The following TMEM44 variants were observed in gnomAD, a reference collection of about 807,000 sequenced individuals.
TMEM44 encodes transmembrane protein 44.
In TMEM44, 43 loss-of-function variants were observed where a neutral mutation model predicts 47.8. The ratio of observed to expected loss-of-function variants is 0.90; its 90% CI spans 0.70 to 1.16. The LOEUF (loss-of-function observed/expected upper bound fraction) is 1.16, where lower values mean the gene tolerates loss of function less well. Among genes scored for constraint, TMEM44 ranks in the 50% most tolerant of loss-of-function variants. TMEM44 has a pLI of 0.00. For synonymous variants in TMEM44, 277 were observed against 238.8 expected (o/e 1.16, Z -1.48); for missense variants, 568 against 555.2 (o/e 1.02, Z -0.23).
chr3:194,611,008 C>A lies in TMEM44; in HGVS notation c.925G>T (p.Val309Leu), dbSNP rs769848249. 1 of 1,613,902 alleles carries A rather than the reference C, an allele frequency of 6.2e-7. No homozygotes were observed. The highest frequency in any genetic ancestry group is 1.7e-5 in the Admixed American group (1 of 59,988). ...EEENQENLDW[V>L]PLTTLSHCKS... Reference sequence around the variant, plus strand: ...CAGTGTGACAGTGTGGTGAGAGGCACCCAATCCAAATTCTTGCAAGTAGAG... The same window carrying A: ...CAGTGTGACAGTGTGGTGAGAGGCAACCAATCCAAATTCTTGCAAGTAGAG... The change falls in exon 8 of 10, where the codon GTG (valine) becomes TTG (leucine). Residue 309 changes from valine (V) to leucine (L), a missense_variant. By Grantham distance (32) the Val-to-Leu change is conservative. Coordinates refer to ENST00000347147, the MANE Select transcript of TMEM44 (RefSeq NM_001011655.3). The surrounding 1 kb of genome is among the most constrained non-coding windows in gnomAD (Gnocchi z 4.2).
chr3:194,594,039 T>C (rs1301415329), intron 9 of TMEM44, among the ~76,000 whole-genome samples: 1 of 152,150 alleles, frequency 6.6e-6, no homozygotes, highest in Non-Finnish European at 1.5e-5. Context: ...CTTGAACTCC[T>C]GAGCTCAAGC....
chr3:194,631,915 T>C lies in TMEM44; in HGVS notation c.137+1164A>G, dbSNP rs556007207. Reference sequence around the variant, plus strand: ...AGGCTCACTCTTAACCCCTCCAAGGTTGGCAAAGTGCCTAACAGTGCTGGT... The same window carrying C: ...AGGCTCACTCTTAACCCCTCCAAGGCTGGCAAAGTGCCTAACAGTGCTGGT... On this transcript the variant is annotated intron_variant, in intron 1 of 9. Coordinates refer to ENST00000347147, the MANE Select transcript of TMEM44 (RefSeq NM_001011655.3). Among the ~76,000 whole-genome samples, 6 of 152,312 alleles carry C rather than the reference T, an allele frequency of 3.9e-5. No individual in the cohort carries two copies. The South Asian group carries it at 1.2e-3, about 32-fold the overall frequency.
intron 9 of TMEM44, among the ~76,000 whole-genome samples, chr3:194,591,472 C>T (rs1031231556): frequency 4.6e-5 from 7 of 151,966 alleles, no homozygotes; most frequent in African/African-American, 1.4e-4. Flanking sequence ...CCAGCGTGGG[C>T]GACAAGAGTG....
chr3:194,614,237 G>C (rs1715645555), intron 7 of TMEM44, among the ~76,000 whole-genome samples: 1 of 152,182 alleles, frequency 6.6e-6, no homozygotes, highest in South Asian at 2.1e-4. Context: ...GGCTTGAGAG[G>C]ACTTTCTAGA....
At chr3:194,594,850 C>T (rs932057546) in intron 9 of TMEM44, among the ~76,000 whole-genome samples, 5 of 152,176 alleles carry the variant, frequency 3.3e-5, no homozygotes, top group Non-Finnish European at 5.9e-5. Context: ...CTTAAATCTT[C>T]AGCGTTATGG....
At chr3:194,618,189 A>G (rs1430256806) in intron 5 of TMEM44, among the ~76,000 whole-genome samples, 2 of 152,248 alleles carry the variant, frequency 1.3e-5, no homozygotes, top group African/African-American at 4.8e-5. Context: ...GACCCAGGTC[A>G]CATGGGGAAG....
rs1184056134 is a variant in TMEM44, at chr3:194,623,237, G to C, written c.599C>G (p.Pro200Arg). 2.5e-6 allele frequency: 4 copies of C among 1,609,016 alleles called. No individual in the cohort carries two copies. Among genetic ancestry groups the C allele is most frequent in the East Asian group, 2.2e-5 (1 of 44,692 alleles). Residue 200 changes from proline (P) to arginine (R), a missense_variant, in exon 5 of 10, where the codon CCT becomes CGT. By Grantham distance (103) the Pro-to-Arg change is moderately radical. Coordinates refer to ENST00000347147, the MANE Select transcript of TMEM44 (RefSeq NM_001011655.3). Reference protein sequence around the residue: ...AFGSWASRIPPLSRICRGKTF... With the variant: ...AFGSWASRIPRLSRICRGKTF... ...CCCCGGCCTCACAATTCTGGAGAGA[G>C]GGGGGATCCGAGAAGCCCAGGAGCC...
At position 194,630,709 on chromosome 3, in the gene TMEM44, G is replaced by A. The variant is rs6789021; in HGVS notation, c.138-2200C>T. On this transcript the variant is annotated intron_variant, in intron 1 of 9. Coordinates refer to ENST00000347147, the MANE Select transcript of TMEM44 (RefSeq NM_001011655.3). ...GCGTCACTGATAGGGCCCCTGAAAT[G>A]ATACGCTGTCGTACCTGCCTCCCGA... Among the ~76,000 whole-genome samples, 662 of 94,472 alleles carry A rather than the reference G, an allele frequency of 7.0e-3. 2 individuals are homozygous for A. The highest frequency in any genetic ancestry group is 0.03 in the African/African-American group (594 of 20,098). 62.0% of individuals were successfully genotyped at this position (94,472 alleles called of 152,430 possible). A position where few individuals can be genotyped will look rare whatever the true frequency, so the allele number is the denominator to read the frequency against.
At chr3:194,599,586 CT>C (rs35672774) in intron 9 of TMEM44, among the ~76,000 whole-genome samples, 2,608 of 128,946 alleles carry the variant, frequency 0.02, 73 homozygotes, top group African/African-American at 0.075. Flanking sequence ...TTTTTCTTTT[CT>C]TTTTTTTTTT....
rs990818348 is a variant in TMEM44 at position 194,604,340 on chromosome 3, G to T, written c.1123C>A (p.Arg375=). The part of the protein sequence containing the change: ...SYPPVQVIRA[R]VSSGSSSEVS... ...TCAGAGGAGCTGCCGGAAGACACCC[G>T]GGCCCGGATGACCTGAACGGGAGGG... Residue 375 remains arginine (R), a synonymous_variant, in exon 9 of 10, where the codon CGG becomes AGG. Coordinates refer to ENST00000347147, the MANE Select transcript of TMEM44 (RefSeq NM_001011655.3). 2.5e-5 allele frequency: 40 copies of T among 1,575,822 alleles called. No homozygotes were observed. Among genetic ancestry groups the T allele is most frequent in the Non-Finnish European group, 3.4e-5 (39 of 1,161,208 alleles).
intron 8 of TMEM44, 71 bp from the exon 9 acceptor site, chr3:194,604,516 T>G: frequency 6.9e-7 from 1 of 1,446,438 alleles, no homozygotes; most frequent in South Asian, 1.4e-5. Context: ...GTCAAAGCAT[T>G]CACATACTTC....
At chr3:194,616,370 G>A (rs1715888972) in intron 6 of TMEM44, 1 of 324,354 alleles carries the variant, frequency 3.1e-6, no homozygotes, top group Non-Finnish European at 6.1e-6. Context: ...GACCTTATTC[G>A]GAAGTAGGGT....
In TMEM44 at chr3:194,587,890, G is replaced by A. The variant is rs7612496; in HGVS notation, c.*639C>T. The A allele has an allele frequency of 0.098, 14,975 of 152,626 alleles. 822 individuals carry two copies. Among genetic ancestry groups the A allele is most frequent in the East Asian group, 0.18 (912 of 5,182 alleles). 9.5% of individuals were successfully genotyped at this position (152,626 alleles called of 1,614,324 possible). On this transcript the variant is annotated 3_prime_UTR_variant, in exon 10 of 10. Transcript: ENST00000347147. Reference sequence around the variant, plus strand: ...CCTCACCTGCAAGCCCCGCCTCAGCGCACACCCTTGCCAGGTTGGAGGAAG... The same window carrying A: ...CCTCACCTGCAAGCCCCGCCTCAGCACACACCCTTGCCAGGTTGGAGGAAG...
chr3:194,618,977 C>T (rs542913659), intron 5 of TMEM44, among the ~76,000 whole-genome samples: 4 of 152,368 alleles, frequency 2.6e-5, no homozygotes, highest in South Asian at 4.1e-4. Flanking sequence ...GTGGAGACGA[C>T]GCCCTTTCCC....
intron 1 of TMEM44, among the ~76,000 whole-genome samples, chr3:194,630,821 G>C (rs548088439): frequency 4.8e-5 from 6 of 124,072 alleles, no homozygotes; most frequent in Admixed American, 8.6e-5. Flanking sequence ...GGCTGTTTCC[G>C]TCGGCATCAC....
intron 5 of TMEM44, among the ~76,000 whole-genome samples, chr3:194,619,941 G>A (rs185113935): frequency 2.7e-4 from 41 of 152,222 alleles, no homozygotes; most frequent in Admixed American, 2.2e-3. Flanking sequence ...TAATGCTGGC[G>A]GCTCTCCAGA....
intron 9 of TMEM44, among the ~76,000 whole-genome samples, chr3:194,591,438 G>T (rs1254387598): frequency 1.3e-5 from 2 of 152,168 alleles, no homozygotes; most frequent in African/African-American, 2.4e-5. Context: ...AGGTTGCAGT[G>T]AGCCGAGATC....
At chr3:194,604,250 C>T (rs1399598810) in intron 9 of TMEM44, 37 bp downstream of exon 9, 3 of 1,562,544 alleles carry the variant, frequency 1.9e-6, no homozygotes, top group Non-Finnish European at 2.6e-6. Flanking sequence ...CGAACGATGG[C>T]ACCCACGCAC....
In TMEM44 at chr3:194,593,359, AATT is replaced by A. The variant is rs574923162; in HGVS notation, c.1177-4723_1177-4721del. The stretch of plus-strand genomic sequence containing the variant: ...AGATTTAAAAATTACTATTAGTAGA[AATT>A]ATTATTATTATTAGGAGGAGTAGCA... On this transcript the variant is annotated intron_variant, in intron 9 of 9. Transcript: ENST00000347147. Among the ~76,000 whole-genome samples, 353 of 152,260 alleles carry A rather than the reference AATT, an allele frequency of 2.3e-3. 1 individual carries two copies. The highest frequency in any genetic ancestry group is 7.7e-3 in the African/African-American group (318 of 41,544).
Sources: allele counts gnomAD v4.1 joint callset (sites outside exome capture counted in the v4.1 genomes callset), GRCh38; gene constraint gnomAD v4.1.1; non-coding constraint Gnocchi (gnomAD v3.1); transcripts MANE v1.5; gene names NCBI Gene and HGNC (gene_info 2026-07-23, HGNC 2026-07-21).